LINGO2: variants seen among roughly 807,000 people sequenced by gnomAD.
The protein encoded by LINGO2 is leucine-rich repeat and immunoglobulin-like domain-containing nogo receptor-interacting protein 2.
A neutral mutation model predicts 30.6 loss-of-function variants in LINGO2; 14 were observed. That is an observed-to-expected ratio of 0.46 (90% CI 0.30 to 0.72). The LOEUF (loss-of-function observed/expected upper bound fraction) is 0.72. Among genes scored for constraint, LINGO2 ranks in the 30% least tolerant of loss-of-function variants. The pLI, the probability that LINGO2 is intolerant of heterozygous loss-of-function variation, is 0.07. For missense variants in LINGO2, 729 were observed against 751.7 expected (o/e 0.97, Z 0.35); for synonymous variants, 317 against 288.5 (o/e 1.10, Z -1.00).
chr9:28,992,996 G>A, the LINGO2 span, among the ~76,000 whole-genome samples: 2 of 151,624 alleles, frequency 1.3e-5, no homozygotes, highest in African/African-American at 4.8e-5. Context: ...CTAGCAGAAG[G>A]CAAGAAATAA....
chr9:28,616,932 A>G (rs903448891), intron 1 of LINGO2, among the ~76,000 whole-genome samples: 1 of 152,224 alleles, frequency 6.6e-6, no homozygotes, highest in African/African-American at 2.4e-5. Context: ...CTAGGCCAGT[A>G]CTGGCATACA....
At chr9:28,437,547 A>ATG (rs1396959976) in intron 2 of LINGO2, among the ~76,000 whole-genome samples, 138 of 70,618 alleles carry the variant, frequency 2.0e-3, no homozygotes, top group African/African-American at 9.4e-3. Flanking sequence ...ATACACACAG[A>ATG]CGCACACACA....
At position 28,054,067 on chromosome 9, in the gene LINGO2, A is replaced by C. The variant is rs2133079150; in HGVS notation, c.-86-41662T>G. On this transcript the variant is annotated intron_variant, in intron 4 of 5. Transcript: ENST00000379992. ...GGGTTGCAGCCCAGCTAGCAGACAAAAAAAAAGAGAAAGTGGGATTCTGTG... is the reference window on the plus strand; with the variant it reads ...GGGTTGCAGCCCAGCTAGCAGACAACAAAAAAGAGAAAGTGGGATTCTGTG... Among the ~76,000 whole-genome samples the C allele has an allele frequency of 2.0e-5, 3 of 152,036 alleles. 1 individual carries two copies. In the South Asian group the frequency reaches 6.2e-4, roughly 32 times the overall value.
chr9:28,097,729 A>G (rs1826288708), intron 4 of LINGO2, among the ~76,000 whole-genome samples: 1 of 150,418 alleles, frequency 6.6e-6, no homozygotes, highest in Admixed American at 6.6e-5. Context: ...AGATATACCT[A>G]ATGCTAAATG....
intron 1 of LINGO2, among the ~76,000 whole-genome samples, chr9:28,617,439 G>T (rs1468922326): frequency 6.6e-6 from 1 of 151,908 alleles, no homozygotes; most frequent in Non-Finnish European, 1.5e-5. Context: ...GGGACTACAG[G>T]CGCCCACCAC....
chr9:28,520,491 T>C (rs1820788054), intron 1 of LINGO2, among the ~76,000 whole-genome samples: 1 of 152,180 alleles, frequency 6.6e-6, no homozygotes, highest in Non-Finnish European at 1.5e-5. Context: ...CTTATTGTCT[T>C]TGCTTTTCTT....
chr9:28,359,579 C>G lies in LINGO2; in HGVS notation c.-246+13257G>C, dbSNP rs191174922. 7.2e-5 allele frequency among the ~76,000 whole-genome samples: 11 copies of G among 152,248 alleles called. No homozygotes were observed. The East Asian group carries it at 2.1e-3, about 29-fold the overall frequency. On this transcript the variant is annotated intron_variant, in intron 3 of 5. Transcript: ENST00000379992. ...ATATTCTTTTCATCTCAATCACTATCATTTGGGTGACAGAATGCAAATATA... is the reference window on the plus strand; with the variant it reads ...ATATTCTTTTCATCTCAATCACTATGATTTGGGTGACAGAATGCAAATATA...
chr9:27,949,125 A>C (rs1295218464), exon 6 of LINGO2: 9 of 1,614,184 alleles, frequency 5.6e-6, no homozygotes, highest in South Asian at 1.1e-5. Context: ...GGTCATGTAC[A>C]TAGGGGTCCT....
intron 2 of LINGO2, among the ~76,000 whole-genome samples, chr9:28,461,826 G>T (rs1171905807): frequency 2.0e-5 from 3 of 152,076 alleles, no homozygotes; most frequent in African/African-American, 7.2e-5. Context: ...AGTAATTGTT[G>T]TGCAGTCTAT....
intron 2 of LINGO2, among the ~76,000 whole-genome samples, chr9:28,442,981 A>G (rs375458713): frequency 2.0e-5 from 3 of 147,270 alleles, no homozygotes; most frequent in African/African-American, 7.7e-5. Context: ...TTGTTTTTTT[A>G]TCCCACAAAC....
rs79895868 is a variant in LINGO2 at position 28,086,706 on chromosome 9, C to A, written c.-86-74301G>T. 2.6e-5 allele frequency among the ~76,000 whole-genome samples: 4 copies of A among 152,098 alleles called. No homozygotes were observed. The East Asian group carries it at 5.8e-4, about 22-fold the overall frequency. On this transcript the variant is annotated intron_variant, in intron 4 of 5. Coordinates refer to ENST00000379992, the Ensembl canonical transcript of LINGO2. ...ATGGTATCACACACAATGCAGCAAT[C>A]CCTGGACGAGTGAGAGTGAAAAACT...
chr9:28,461,314 C>T (rs1193341689), intron 2 of LINGO2, among the ~76,000 whole-genome samples: 2 of 152,248 alleles, frequency 1.3e-5, no homozygotes, highest in East Asian at 3.9e-4. Flanking sequence ...TTTTCACAGT[C>T]TCAGTGCTCT....
At chr9:28,041,104 G>A (rs533801960) in intron 4 of LINGO2, among the ~76,000 whole-genome samples, 1 of 152,162 alleles carries the variant, frequency 6.6e-6, no homozygotes, top group African/African-American at 2.4e-5. Context: ...TTCCAAAAAA[G>A]CTACCACTAT....
chr9:28,940,588 T>G, the LINGO2 span, among the ~76,000 whole-genome samples: 1 of 152,188 alleles, frequency 6.6e-6, no homozygotes, highest in Non-Finnish European at 1.5e-5. Context: ...TGTTTTACTT[T>G]GGTTCATGTC....
chr9:28,875,563 G>A, the LINGO2 span, among the ~76,000 whole-genome samples: 1 of 151,932 alleles, frequency 6.6e-6, no homozygotes, highest in Non-Finnish European at 1.5e-5. Flanking sequence ...CCAAAAAGGG[G>A]CATATATTGC....
the LINGO2 span, among the ~76,000 whole-genome samples, chr9:28,728,185 C>A: frequency 0.3 from 45,301 of 151,842 alleles, 7,084 homozygotes; most frequent in Admixed American, 0.44. Flanking sequence ...CAACCTATTT[C>A]ACCTGGGAAA....
At chr9:28,929,967 C>T in the LINGO2 span, among the ~76,000 whole-genome samples, 1 of 152,110 alleles carries the variant, frequency 6.6e-6, no homozygotes, top group African/African-American at 2.4e-5. Flanking sequence ...ATTCTAAATT[C>T]AAATCTGATC....
Position 28,531,228 on chromosome 9 carries a change from G to A in LINGO2, c.-364-55203C>T, listed in dbSNP as rs376354855. 1.3e-4 allele frequency among the ~76,000 whole-genome samples: 20 copies of A among 151,994 alleles called. No individual in the cohort carries two copies. In the South Asian group the frequency reaches 4.2e-3, roughly 32 times the overall value. ...TGACATATGATCAGCTTCCCTCATAGTAATGCTTTATCAAAGCACATATAC... is the reference window on the plus strand; with the variant it reads ...TGACATATGATCAGCTTCCCTCATAATAATGCTTTATCAAAGCACATATAC... On this transcript the variant is annotated intron_variant, in intron 1 of 5. Coordinates refer to ENST00000379992, the Ensembl canonical transcript of LINGO2.
At chr9:27,944,389 G>A (rs1035773628), downstream of LINGO2, 1 of 152,136 alleles carries the variant, frequency 6.6e-6, no homozygotes, top group Admixed American at 6.6e-5. Context: ...TTTCCCAGCT[G>A]GAATGTAAAT....
Sources: allele counts gnomAD v4.1 joint callset (sites outside exome capture counted in the v4.1 genomes callset), GRCh38; gene constraint gnomAD v4.1.1; transcripts MANE v1.5; gene names NCBI Gene and HGNC (gene_info 2026-07-23, HGNC 2026-07-21).